PLEKHG4B: variants seen among roughly 807,000 people sequenced by gnomAD.
PLEKHG4B encodes pleckstrin homology domain-containing family G member 4B.
In PLEKHG4B, 111 loss-of-function variants were observed where a neutral mutation model predicts 121.3. The observed-to-expected ratio is 0.92, with a 90% CI of 0.78 to 1.07. PLEKHG4B has a LOEUF of 1.07. PLEKHG4B is among the 50% of genes least tolerant of loss of function. PLEKHG4B has a pLI of 0.00. For synonymous variants in PLEKHG4B, 738 were observed against 725.0 expected, an observed-to-expected ratio of 1.02 and a Z score of -0.29; for missense variants, 1,831 against 1,757.8, an observed-to-expected ratio of 1.04 and a Z score of -0.74.
chr5:142,552 CCA>C (rs10602925), intron 3 of PLEKHG4B, among the ~76,000 whole-genome samples: 28,030 of 151,168 alleles, frequency 0.19, 3,560 homozygotes, highest in African/African-American at 0.36. Flanking sequence ...GTTCCAAATA[CCA>C]CACACACAGT....
At position 134,998 on chromosome 5, in the gene PLEKHG4B, GCTAACTTGGTGAAACCCTATCT is replaced by G. The variant is rs1734908906; in HGVS notation, c.244-4481_244-4460del. On this transcript the variant is annotated intron_variant, in intron 2 of 19. Coordinates refer to ENST00000637938, the MANE Select transcript of PLEKHG4B (RefSeq NM_052909.5). ...AGGTCAGGAGATCGAGACCATCCTG[GCTAACTTGGTGAAACCCTATCT>G]CTACTAAAAATACAAAAACTTAGCT... Among the ~76,000 whole-genome samples, 3 of 151,682 alleles carry G rather than the reference GCTAACTTGGTGAAACCCTATCT, an allele frequency of 2.0e-5. No individual in the cohort carries two copies. In the South Asian group the frequency reaches 6.3e-4, roughly 32 times the overall value.
At chr5:142,338 A>G (rs1735235318) in intron 3 of PLEKHG4B, among the ~76,000 whole-genome samples, 1 of 151,994 alleles carries the variant, frequency 6.6e-6, no homozygotes, top group Non-Finnish European at 1.5e-5. Context: ...ACACAGTCAC[A>G]TGCCTCACAT....
In PLEKHG4B at chr5:140,315, C is replaced by A; in HGVS notation, c.1076C>A (p.Ala359Asp). 1.3e-6 allele frequency: 2 copies of A among 1,506,618 alleles called. No homozygotes were observed. The highest frequency in any genetic ancestry group is 8.8e-7 in the Non-Finnish European group (1 of 1,130,150). 93.3% of individuals were successfully genotyped at this position (1,506,618 alleles called of 1,614,324 possible). A position where few individuals can be genotyped will look rare whatever the true frequency, so the allele number is the denominator to read the frequency against. ...TGGTTCAGGGAGTCGTACATGGAAGCCTTGCGGAACCCCATGCCCCTGGGC... is the reference window on the plus strand; with the variant it reads ...TGGTTCAGGGAGTCGTACATGGAAGACTTGCGGAACCCCATGCCCCTGGGC... ...RRWFRESYME[A>D]LRNPMPLGSS... The change falls in exon 3 of 20, where the codon GCC becomes GAC. Residue 359 changes from alanine to aspartate, a missense_variant. Coordinates refer to ENST00000637938, the MANE Select transcript of PLEKHG4B (RefSeq NM_052909.5).
chr5:149,080 AAAAACCTAATTGT>A (rs1448997141), intron 6 of PLEKHG4B, among the ~76,000 whole-genome samples: 1 of 152,236 alleles, frequency 6.6e-6, no homozygotes, highest in African/African-American at 2.4e-5. Context: ...CAAATGGATC[AAAAACCTAATTGT>A]AAGACCTAAA....
At chr5:178,236 C>T (rs748700590) in intron 18 of PLEKHG4B, among the ~76,000 whole-genome samples, 36 of 152,216 alleles carry the variant, frequency 2.4e-4, no homozygotes, top group Non-Finnish European at 4.4e-4. Flanking sequence ...TCAGGAAACG[C>T]CCTCTCCCTG....
At chr5:107,440 C>T (rs564883330) in intron 1 of PLEKHG4B, among the ~76,000 whole-genome samples, 1 of 152,184 alleles carries the variant, frequency 6.6e-6, no homozygotes, top group Non-Finnish European at 1.5e-5. Context: ...CAGCCCTGGC[C>T]TTCCTAGGAG....
In PLEKHG4B at chr5:163,001, C is replaced by T. The variant is rs892195031; in HGVS notation, c.2929C>T (p.His977Tyr). ...GCCCCTTGCCCAGAGCCCCCCAAAG[C>T]ATGAGCGTGCCCAGGAGGCCATGAG... ...LPPLAQSPPK[H>Y]ERAQEAMRRH... Residue 977 changes from histidine (H) to tyrosine (Y), a missense_variant, in exon 13 of 20, where the codon CAT (histidine) becomes TAT (tyrosine). Transcript: ENST00000637938. The T allele has an allele frequency of 1.9e-6, 3 of 1,565,978 alleles. No individual in the cohort carries two copies. The highest frequency in any genetic ancestry group is 1.7e-4 in the Middle Eastern group (1 of 6,032).
At chr5:161,227 G>C (rs778200935) in intron 11 of PLEKHG4B, among the ~76,000 whole-genome samples, 5 of 152,234 alleles carry the variant, frequency 3.3e-5, no homozygotes, top group Non-Finnish European at 7.3e-5. Context: ...TCAGCCAGGG[G>C]CTCCCCCATC....
In PLEKHG4B at chr5:159,593, T is replaced by C. The variant is rs927729899; in HGVS notation, c.2488-2190T>C. On this transcript the variant is annotated intron_variant, in intron 11 of 19. Coordinates refer to ENST00000637938, the MANE Select transcript of PLEKHG4B (RefSeq NM_052909.5). This position sits in a 1 kb window ranked among gnomAD's most constrained non-coding sequence, Gnocchi z 5.5. The stretch of plus-strand genomic sequence containing the variant: ...AACAGTCCCCTCTCCATACTAATCA[T>C]GATGAGTCTGCACAGTCTGTGGCTT... 6.6e-6 allele frequency among the ~76,000 whole-genome samples: 1 copy of C among 152,204 alleles called. No homozygotes were observed. The highest frequency in any genetic ancestry group is 1.5e-5 in the Non-Finnish European group (1 of 68,032).
chr5:114,194 C>T (rs570409020), intron 2 of PLEKHG4B, among the ~76,000 whole-genome samples: 12 of 152,234 alleles, frequency 7.9e-5, no homozygotes, highest in South Asian at 2.1e-4. Flanking sequence ...GAAGTGGTTG[C>T]GGAAGGCTGG....
In PLEKHG4B at chr5:182,773, G is replaced by A. The variant is rs1243576269; in HGVS notation, c.*450G>A. 4 of 179,960 alleles carry A rather than the reference G, an allele frequency of 2.2e-5. No homozygotes were observed. The highest frequency in any genetic ancestry group is 1.3e-4 in the East Asian group (1 of 7,794). The allele number at this position is 179,960 out of a possible 1,614,324, so 11.1% of individuals were successfully genotyped here. On this transcript the variant is annotated 3_prime_UTR_variant, in exon 20 of 20. Transcript: ENST00000637938. ...GCCCAGGAAGAGCCCAGCAGCCTCCGTGAGTTGAAGAGACCAAGTCAGCAG... is the reference window on the plus strand; with the variant it reads ...GCCCAGGAAGAGCCCAGCAGCCTCCATGAGTTGAAGAGACCAAGTCAGCAG...
At chr5:152,994 C>T (rs1239958394) in intron 7 of PLEKHG4B, among the ~76,000 whole-genome samples, 1 of 152,204 alleles carries the variant, frequency 6.6e-6, no homozygotes, top group East Asian at 1.9e-4. Context: ...AACTGTGAGT[C>T]AATTAAACCT....
Position 155,089 on chromosome 5 carries a change from C to T in PLEKHG4B, c.2109+98C>T, listed in dbSNP as rs898410804. ...GAATTTGAAAAGGGCATCACCGTCC[C>T]TGATCTGATGCTTGTTACAGTCGCC... On this transcript the variant is annotated intron_variant, in intron 8 of 19. Transcript: ENST00000637938. The T allele has an allele frequency of 5.7e-6, 6 of 1,053,404 alleles. No homozygotes were observed. The African/African-American group carries it at 9.4e-5, about 16-fold the overall frequency. The allele number at this position is 1,053,404 out of a possible 1,614,324, so 65.3% of individuals were successfully genotyped here. A position where few individuals can be genotyped will look rare whatever the true frequency, so the allele number is the denominator to read the frequency against.
chr5:157,238 G>A lies in PLEKHG4B; in HGVS notation c.2487+327G>A. The A allele has an allele frequency of 8.2e-6, 3 of 364,130 alleles. No individual in the cohort carries two copies. The highest frequency in any genetic ancestry group is 1.6e-5 in the Non-Finnish European group (3 of 188,812). 22.6% of individuals were successfully genotyped at this position (364,130 alleles called of 1,614,324 possible). ...TTCCGGACGCTTTCTCCATGTGCAT[G>A]CGTACACAGTGACTGAGAAGCCGAG... On this transcript the variant is annotated intron_variant, in intron 11 of 19. Transcript: ENST00000637938. This position sits in a 1 kb window ranked among gnomAD's most constrained non-coding sequence, Gnocchi z 4.6.
intron 2 of PLEKHG4B, among the ~76,000 whole-genome samples, chr5:134,119 A>ATATATATG (rs1734874120): frequency 9.2e-6 from 1 of 108,418 alleles, no homozygotes; most frequent in Non-Finnish European, 1.9e-5. Context: ...ATATATATAT[A>ATATATATG]TATGTGATGG....
chr5:145,027 T>C, intron 6 of PLEKHG4B, 107 bp downstream of exon 6: 1 of 1,057,402 alleles, frequency 9.5e-7, no homozygotes. Flanking sequence ...ACAGGCTTAG[T>C]GTGAAGATTC....
chr5:103,450 G>A lies in PLEKHG4B; in HGVS notation c.46-9801G>A, dbSNP rs141895364. The stretch of plus-strand genomic sequence containing the variant: ...GATCAGAGAATGCACCGCACGCAGC[G>A]GTTTCCCCAGTTTTCCCTGCATTTG... On this transcript the variant is annotated intron_variant, in intron 1 of 19. Coordinates refer to ENST00000637938, the MANE Select transcript of PLEKHG4B (RefSeq NM_052909.5). Among the ~76,000 whole-genome samples, 7 of 152,214 alleles carry A rather than the reference G, an allele frequency of 4.6e-5. No individual in the cohort carries two copies. The East Asian group carries it at 9.7e-4, about 21-fold the overall frequency.
chr5:125,605 G>T (rs896875654), intron 2 of PLEKHG4B, among the ~76,000 whole-genome samples: 1 of 152,044 alleles, frequency 6.6e-6, no homozygotes, highest in African/African-American at 2.4e-5. Context: ...AAATATATTA[G>T]TGTCTTAAAT....
chr5:122,586 A>C (rs1579256551), intron 2 of PLEKHG4B, among the ~76,000 whole-genome samples: 1 of 151,948 alleles, frequency 6.6e-6, no homozygotes, highest in East Asian at 1.9e-4. Flanking sequence ...CGCCCAGCTA[A>C]TTTTTTGTAT....
Sources: gnomAD v4.1 joint callset for allele counts (sites outside exome capture counted in the v4.1 genomes callset) on GRCh38, gnomAD v4.1.1 for gene constraint, Gnocchi (gnomAD v3.1) non-coding constraint, MANE v1.5 for transcripts, NCBI Gene and HGNC (gene_info 2026-07-23, HGNC 2026-07-21) for gene names.